AFAP1: variants seen among roughly 807,000 people sequenced by gnomAD.
AFAP1 encodes actin filament associated protein 1.
A neutral mutation model predicts 93.9 loss-of-function variants in AFAP1; 75 were observed. The observed-to-expected ratio is 0.80, with a 90% CI of 0.66 to 0.97. The LOEUF is 0.97. Ranked by LOEUF, AFAP1 falls within the 50% of genes least tolerant of loss-of-function variation. The pLI is 0.00. For synonymous variants in AFAP1, 517 were observed against 430.7 expected, an observed-to-expected ratio of 1.20 and a Z score of -2.48; for missense variants, 1,201 against 1,050.8, an observed-to-expected ratio of 1.14 and a Z score of -1.98.
In AFAP1 at chr4:7,763,612, C is replaced by A; in HGVS notation, c.*153G>T. 1.3e-6 allele frequency: 1 copy of A among 763,400 alleles called. No individual in the cohort carries two copies. Among genetic ancestry groups the A allele is most frequent in the South Asian group, 2.2e-5 (1 of 45,578 alleles). 47.3% of individuals were successfully genotyped at this position (763,400 alleles called of 1,614,324 possible). ...TACAGTAGAAAGAATACAAGTGGGC[C>A]TGGGGGACAGGCACTGGCCTCAGAG... On this transcript the variant is annotated 3_prime_UTR_variant, in exon 18 of 18. Transcript: ENST00000420658.
chr4:7,781,386 A>C lies in AFAP1; in HGVS notation c.1772T>G (p.Leu591Arg). Residue 591 changes from leucine (L) to arginine (R), a missense_variant, in exon 13 of 18, where the codon CTC becomes CGC. Coordinates refer to ENST00000420658, the MANE Select transcript of AFAP1 (RefSeq NM_001134647.2). ...TSSVGRASLG[L>R]NSQLKGKKPP... ...AAGAAGATGCCGTACCTGCGAGTTG[A>C]GCCCGAGAGACGCCCTCCCCACAGA... 1 of 1,551,578 alleles carries C rather than the reference A, an allele frequency of 6.4e-7. No individual in the cohort carries two copies. The highest frequency in any genetic ancestry group is 1.2e-5 in the South Asian group (1 of 84,054).
chr4:7,880,607 C>CT (rs1660014213), intron 1 of AFAP1, among the ~76,000 whole-genome samples: 1 of 152,136 alleles, frequency 6.6e-6, no homozygotes, highest in South Asian at 2.1e-4. Context: ...AGTGTGGTAA[C>CT]TGAGGCCCAG....
At position 7,809,654 on chromosome 4, in the gene AFAP1, G is replaced by A. The variant is rs201681005; in HGVS notation, c.1014C>T (p.Asp338=). The A allele has an allele frequency of 1.9e-5, 30 of 1,613,836 alleles. No individual in the cohort carries two copies. The highest frequency in any genetic ancestry group is 1.0e-4 in the Admixed American group (6 of 59,966). ...ISLGKKKPST[D]EQTSSAEEDV... ...CTTCCTCAGCTGAGGAGGTCTGCTC[G>A]TCTGTGGACGGCTTTTTCTTTCCCA... The change falls in exon 9 of 18, where the codon GAC becomes GAT. Residue 338 remains aspartate (D), a synonymous_variant. Transcript: ENST00000420658.
intron 9 of AFAP1, 91 bp from the exon 10 acceptor site, chr4:7,800,744 G>T: frequency 1.6e-6 from 2 of 1,251,096 alleles, no homozygotes; most frequent in East Asian, 2.4e-5. Context: ...GCCCAGGGAT[G>T]GGAGTGTGGA....
intron 1 of AFAP1, among the ~76,000 whole-genome samples, chr4:7,884,709 A>G (rs1718045724): frequency 6.6e-6 from 1 of 152,216 alleles, no homozygotes; most frequent in South Asian, 2.1e-4. Context: ...ACCCAAACAG[A>G]AAAAAATGAA....
At chr4:7,897,139 A>G (rs1718826098) in intron 1 of AFAP1, among the ~76,000 whole-genome samples, 1 of 152,124 alleles carries the variant, frequency 6.6e-6, no homozygotes, top group Admixed American at 6.5e-5. Context: ...AACCATTTCC[A>G]ACTGCCTTCT....
At chr4:7,836,678 G>C (rs1712339040) in intron 6 of AFAP1, among the ~76,000 whole-genome samples, 1 of 152,168 alleles carries the variant, frequency 6.6e-6, no homozygotes, top group Non-Finnish European at 1.5e-5. Context: ...CAATCTCCCA[G>C]GCTCAAGCTA....
Position 7,763,689 on chromosome 4 carries a change from C to T in AFAP1, c.*76G>A. On this transcript the variant is annotated 3_prime_UTR_variant, in exon 18 of 18. Coordinates refer to ENST00000420658, the MANE Select transcript of AFAP1 (RefSeq NM_001134647.2). Reference sequence around the variant, plus strand: ...GCAGCTGAGGCCACTCTGGGCAGAGCTTCCTGCCGTCACACAGATGAGGAT... The same window carrying T: ...GCAGCTGAGGCCACTCTGGGCAGAGTTTCCTGCCGTCACACAGATGAGGAT... The T allele has an allele frequency of 7.8e-6, 12 of 1,534,318 alleles. No individual in the cohort carries two copies. The South Asian group carries it at 1.4e-4, about 18-fold the overall frequency.
chr4:7,927,096 G>A (rs1026226076), intron 1 of AFAP1, among the ~76,000 whole-genome samples: 2 of 152,170 alleles, frequency 1.3e-5, no homozygotes, highest in Non-Finnish European at 2.9e-5. Context: ...TGTGGCCTTG[G>A]GGCAGGCTTG....
chr4:7,857,741 A>G (rs183474402), intron 3 of AFAP1, among the ~76,000 whole-genome samples: 8 of 152,340 alleles, frequency 5.3e-5, no homozygotes, highest in Non-Finnish European at 7.3e-5. Flanking sequence ...TCCTTTTAGC[A>G]TGGTCAAACA....
chr4:7,815,543 A>G (rs1720397966), intron 8 of AFAP1, among the ~76,000 whole-genome samples: 1 of 152,228 alleles, frequency 6.6e-6, no homozygotes. Context: ...AGATGGGGAA[A>G]CTGAGGCTCA....
At chr4:7,893,615 G>A (rs970357188) in intron 1 of AFAP1, among the ~76,000 whole-genome samples, 2 of 150,112 alleles carry the variant, frequency 1.3e-5, no homozygotes, top group Non-Finnish European at 3.0e-5. Context: ...AGGGTTAAAG[G>A]ATTTTCAAAA....
intron 1 of AFAP1, among the ~76,000 whole-genome samples, chr4:7,893,134 G>A (rs939947447): frequency 1.8e-4 from 27 of 152,294 alleles, no homozygotes; most frequent in African/African-American, 6.3e-4. Flanking sequence ...TCTTCTAACT[G>A]GTCTATGGCT....
In AFAP1 at chr4:7,931,959, C is replaced by CA. The variant is rs563753678; in HGVS notation, c.-3+7696dup. 2.7e-3 allele frequency among the ~76,000 whole-genome samples: 417 copies of CA among 152,222 alleles called. 2 individuals are homozygous for CA. Among genetic ancestry groups the CA allele is most frequent in the African/African-American group, 8.7e-3 (360 of 41,528 alleles). ...CACTGCAAGCTCCACCTCCAGGGTCCACGCCATTCTCCTGCCTCAGCCTCC... is the reference window on the plus strand; with the variant it reads ...CACTGCAAGCTCCACCTCCAGGGTCCAACGCCATTCTCCTGCCTCAGCCTCC... On this transcript the variant is annotated intron_variant, in intron 1 of 17. Coordinates refer to ENST00000420658, the MANE Select transcript of AFAP1 (RefSeq NM_001134647.2).
chr4:7,899,721 G>A (rs1719004791), intron 1 of AFAP1, among the ~76,000 whole-genome samples: 1 of 152,132 alleles, frequency 6.6e-6, no homozygotes, highest in South Asian at 2.1e-4. Flanking sequence ...CAGGAGCCGA[G>A]GTTAGACAGC....
chr4:7,818,655 C>G (rs2149069629), intron 7 of AFAP1, among the ~76,000 whole-genome samples: 1 of 152,322 alleles, frequency 6.6e-6, no homozygotes. Flanking sequence ...TGCCCCTCTG[C>G]CTTCCAACAA....
chr4:7,937,302 G>A (rs532939738), intron 1 of AFAP1, among the ~76,000 whole-genome samples: 375 of 152,248 alleles, frequency 2.5e-3, no homozygotes, highest in Admixed American at 4.4e-3. Flanking sequence ...AAAGGCTTCC[G>A]TTATTTACAC....
intron 10 of AFAP1, among the ~76,000 whole-genome samples, chr4:7,798,435 C>T (rs952434447): frequency 2.1e-4 from 32 of 149,880 alleles, no homozygotes; most frequent in Non-Finnish European, 4.3e-4. Flanking sequence ...TGGCTCACAG[C>T]ATTGCAACCC....
At chr4:7,768,222 A>T (rs1250916294) in intron 17 of AFAP1, among the ~76,000 whole-genome samples, 1 of 152,268 alleles carries the variant, frequency 6.6e-6, no homozygotes, top group Non-Finnish European at 1.5e-5. Context: ...TTCCACACAC[A>T]GCACTTTCCG....
Sources: gnomAD v4.1 joint callset for allele counts (sites outside exome capture counted in the v4.1 genomes callset) on GRCh38, gnomAD v4.1.1 for gene constraint, MANE v1.5 for transcripts, NCBI Gene and HGNC (gene_info 2026-07-23, HGNC 2026-07-21) for gene names.